KCTD8: variants seen among roughly 807,000 people sequenced by gnomAD.
The protein encoded by KCTD8 is potassium channel tetramerization domain containing 8.
KCTD8 carries 27 observed loss-of-function variants against 31.5 expected under a neutral mutation model. The ratio of observed to expected loss-of-function variants is 0.86; its 90% CI spans 0.63 to 1.18. The LOEUF (loss-of-function observed/expected upper bound fraction) is 1.18, where lower values mean the gene tolerates loss of function less well. Among genes scored for constraint, KCTD8 ranks in the 50% most tolerant of loss-of-function variants. KCTD8 has a pLI of 0.00. For synonymous variants in KCTD8, 290 were observed against 280.0 expected (o/e 1.04, Z -0.36); for missense variants, 658 against 647.7 (o/e 1.02, Z -0.17).
intron 1 of KCTD8, among the ~76,000 whole-genome samples, chr4:44,209,918 A>G (rs1714432393): frequency 6.6e-6 from 1 of 152,208 alleles, no homozygotes; most frequent in South Asian, 2.1e-4. Context: ...CCATAAAAAA[A>G]GCTACACTAT....
intron 1 of KCTD8, among the ~76,000 whole-genome samples, chr4:44,352,834 T>C (rs948089800): frequency 1.3e-5 from 2 of 151,944 alleles, no homozygotes; most frequent in African/African-American, 4.8e-5. Flanking sequence ...GAAGTAGGTA[T>C]TCAATCTGAC....
chr4:44,201,502 C>T (rs1376380600), intron 1 of KCTD8, among the ~76,000 whole-genome samples: 1 of 151,986 alleles, frequency 6.6e-6, no homozygotes, highest in African/African-American at 2.4e-5. Flanking sequence ...AATAAAGCCA[C>T]ATACTTACAA....
At chr4:44,258,983 T>C (rs1430082508) in intron 1 of KCTD8, among the ~76,000 whole-genome samples, 2 of 151,970 alleles carry the variant, frequency 1.3e-5, no homozygotes, top group African/African-American at 2.4e-5. Context: ...CATTCATCAA[T>C]GTTAACTGTT....
chr4:44,254,929 G>A (rs1353050327), intron 1 of KCTD8, among the ~76,000 whole-genome samples: 3 of 151,828 alleles, frequency 2.0e-5, no homozygotes, highest in Non-Finnish European at 4.4e-5. Context: ...TAATTTGGCT[G>A]AGGGAAATTC....
intron 1 of KCTD8, among the ~76,000 whole-genome samples, chr4:44,199,600 A>T (rs1231373902): frequency 6.6e-6 from 1 of 152,088 alleles, no homozygotes; most frequent in Non-Finnish European, 1.5e-5. Flanking sequence ...CATTTTTTGA[A>T]ATTAAAGAAA....
At chr4:44,394,266 A>G (rs1720442214) in intron 1 of KCTD8, among the ~76,000 whole-genome samples, 1 of 152,034 alleles carries the variant, frequency 6.6e-6, no homozygotes, top group Admixed American at 6.6e-5. Context: ...GCCCTTTTAT[A>G]CAGGCAAAGA....
intron 1 of KCTD8, among the ~76,000 whole-genome samples, chr4:44,258,257 A>G (rs1716053767): frequency 6.6e-6 from 1 of 152,004 alleles, no homozygotes; most frequent in Non-Finnish European, 1.5e-5. Flanking sequence ...GAGTTGAAAC[A>G]CTAAGTATTC....
chr4:44,236,133 C>T (rs1715283820), intron 1 of KCTD8, among the ~76,000 whole-genome samples: 1 of 152,178 alleles, frequency 6.6e-6, no homozygotes, highest in Admixed American at 6.5e-5. Context: ...ACAGCTCCAG[C>T]AACTCAGCCA....
chr4:44,363,364 G>C (rs1259398678), intron 1 of KCTD8, among the ~76,000 whole-genome samples: 2 of 152,088 alleles, frequency 1.3e-5, no homozygotes, highest in Non-Finnish European at 2.9e-5. Flanking sequence ...TGTAATACTG[G>C]GACTAGAGCT....
chr4:44,271,160 T>C (rs1318115418), intron 1 of KCTD8, among the ~76,000 whole-genome samples: 1 of 152,146 alleles, frequency 6.6e-6, no homozygotes, highest in Non-Finnish European at 1.5e-5. Context: ...ACACTTACAT[T>C]ATTGATTAAA....
intron 1 of KCTD8, among the ~76,000 whole-genome samples, chr4:44,193,507 A>G (rs1003504770): frequency 3.3e-5 from 5 of 152,202 alleles, no homozygotes; most frequent in African/African-American, 1.2e-4. Context: ...TCATAATTTC[A>G]AGCCCTTAAG....
chr4:44,254,047 A>AC (rs1419795988), intron 1 of KCTD8, among the ~76,000 whole-genome samples: 2 of 151,884 alleles, frequency 1.3e-5, no homozygotes, highest in African/African-American at 4.8e-5. Flanking sequence ...CAACACAGTC[A>AC]CCTGCAACCA....
intron 1 of KCTD8, among the ~76,000 whole-genome samples, chr4:44,377,773 C>T (rs1719952611): frequency 6.6e-6 from 1 of 152,136 alleles, no homozygotes; most frequent in South Asian, 2.1e-4. Flanking sequence ...TCAAACAGGC[C>T]TAGATGGAAG....
intron 1 of KCTD8, among the ~76,000 whole-genome samples, chr4:44,325,810 C>A (rs530078425): frequency 6.6e-6 from 1 of 151,998 alleles, no homozygotes; most frequent in African/African-American, 2.4e-5. Flanking sequence ...GTATCCCTAT[C>A]TCCTTAATTC....
chr4:44,446,585 G>C (rs1425330295), intron 1 of KCTD8, among the ~76,000 whole-genome samples: 1 of 151,962 alleles, frequency 6.6e-6, no homozygotes, highest in African/African-American at 2.4e-5. Flanking sequence ...ATTTGGTATA[G>C]TTCTTGAACT....
chr4:44,439,136 TACCAAAAATTAGAAAGCAC>T (rs1358026813), intron 1 of KCTD8, among the ~76,000 whole-genome samples: 1 of 152,164 alleles, frequency 6.6e-6, no homozygotes, highest in Non-Finnish European at 1.5e-5. Flanking sequence ...ATTTTACTTA[TACCAAAAATTAGAAAGCAC>T]ACCTAATTAT....
intron 1 of KCTD8, among the ~76,000 whole-genome samples, chr4:44,196,948 C>G (rs1408837280): frequency 6.6e-6 from 1 of 152,188 alleles, no homozygotes; most frequent in Non-Finnish European, 1.5e-5. Context: ...CTGCCTCACT[C>G]CTTGCCAGAC....
intron 1 of KCTD8, among the ~76,000 whole-genome samples, chr4:44,299,643 G>T (rs1235792999): frequency 2.6e-5 from 4 of 151,300 alleles, no homozygotes; most frequent in Non-Finnish European, 4.4e-5. Flanking sequence ...CAGGAGAATT[G>T]CTTGAACCAG....
intron 1 of KCTD8, among the ~76,000 whole-genome samples, chr4:44,386,232 G>C (rs1370115939): frequency 6.6e-6 from 1 of 151,436 alleles, no homozygotes; most frequent in African/African-American, 2.4e-5. Flanking sequence ...GAATTTCTAA[G>C]AGATATTTCT....
Sources: gnomAD v4.1 joint callset for allele counts (sites outside exome capture counted in the v4.1 genomes callset) on GRCh38, gnomAD v4.1.1 for gene constraint, MANE v1.5 for transcripts, NCBI Gene and HGNC (gene_info 2026-07-23, HGNC 2026-07-21) for gene names.